FBXL16: variants seen among roughly 807,000 people sequenced by gnomAD.
The protein encoded by FBXL16 is F-box/LRR-repeat protein 16.
In FBXL16, 7 loss-of-function variants were observed where a neutral mutation model predicts 36.7. That is an observed-to-expected ratio of 0.19 (90% CI 0.11 to 0.36). The LOEUF (loss-of-function observed/expected upper bound fraction) is 0.36, where lower values mean the gene tolerates loss of function less well. FBXL16 is among the 10% of genes least tolerant of loss of function. FBXL16 has a pLI of 1.00. For synonymous variants in FBXL16, 355 were observed against 308.7 expected (o/e 1.15, Z -1.57); for missense variants, 463 against 659.4 (o/e 0.70, Z 3.26).
chr16:695,586 G>C lies in FBXL16; in HGVS notation c.971C>G (p.Ala324Gly). ...NVVHSLPNLT[A>G]LSLSGCSKVT... is the part of the protein sequence containing the mutation. ...CTTGGAGCAGCCCGAGAGGCTGAGCGCGGTGAGGTTGGGCAGGCTGTGCAC... is the reference window on the plus strand; with the variant it reads ...CTTGGAGCAGCCCGAGAGGCTGAGCCCGGTGAGGTTGGGCAGGCTGTGCAC... The change falls in exon 3 of 6, where the codon GCG becomes GGG. Residue 324 changes from alanine to glycine, a missense_variant. Around this residue, in one of 3 missense-constraint regions of FBXL16, gnomAD observed 66 missense variants for 146.3 expected, o/e 0.45. Transcript: ENST00000397621. 6.2e-7 allele frequency: 1 copy of C among 1,606,052 alleles called. No individual in the cohort carries two copies. Among genetic ancestry groups the C allele is most frequent in the Non-Finnish European group, 8.5e-7 (1 of 1,179,070 alleles).
chr16:703,264 C>G (rs544611013), intron 1 of FBXL16, among the ~76,000 whole-genome samples: 5 of 152,202 alleles, frequency 3.3e-5, no homozygotes, highest in Non-Finnish European at 7.4e-5. Flanking sequence ...CTGCACACCG[C>G]GTGCCCACCC....
chr16:695,879 C>T lies in FBXL16; in HGVS notation c.678G>A (p.Ser226=), dbSNP rs1467353885. ...CGGCCTCGGTGAAGTCGTTGCAGCC[C>T]GACAGCTCCAGACGCACCACGCCCT... ...QMQGVVRLEL[S]GCNDFTEAGL... Residue 226 remains serine (S), a synonymous_variant, in exon 3 of 6, where the codon TCG becomes TCA. Transcript: ENST00000397621. 3 of 1,601,868 alleles carry T rather than the reference C, an allele frequency of 1.9e-6. No individual in the cohort carries two copies. The highest frequency in any genetic ancestry group is 2.2e-5 in the East Asian group (1 of 44,548).
chr16:695,657 G>A lies in FBXL16; in HGVS notation c.900C>T (p.Arg300=), dbSNP rs776892160. The part of the protein sequence containing the change: ...ARQGHSTHTL[R]LLSCWEITNH... ...TGGTGATCTCCCAGCAGGAGAGCAGGCGCAGCGTGTGCGTGCTGTGGCCCT... is the reference window on the plus strand; with the variant it reads ...TGGTGATCTCCCAGCAGGAGAGCAGACGCAGCGTGTGCGTGCTGTGGCCCT... Residue 300 remains arginine, a synonymous_variant, in exon 3 of 6, where the codon CGC becomes CGT. Coordinates refer to ENST00000397621, the MANE Select transcript of FBXL16 (RefSeq NM_153350.4). 2 of 1,606,542 alleles carry A rather than the reference G, an allele frequency of 1.2e-6. No homozygotes were observed. Among genetic ancestry groups the A allele is most frequent in the Non-Finnish European group, 1.7e-6 (2 of 1,179,290 alleles).
intron 1 of FBXL16, among the ~76,000 whole-genome samples, chr16:698,044 C>T (rs1398409955): frequency 6.6e-6 from 1 of 152,060 alleles, no homozygotes. Context: ...GCCTGGAGCG[C>T]AGACTGGAGT....
rs1221687737 is a variant in FBXL16 at position 696,902 on chromosome 16, G to A, written c.504C>T (p.Phe168=). Residue 168 remains phenylalanine (F), a synonymous_variant, in exon 2 of 6, where the codon TTC becomes TTT. Transcript: ENST00000397621. ...VNLQGFAARG[F]EGFCLVGVSD... ...AGACGCCAACCAGGCAGAAGCCCTC[G>A]AAGCCTCTGGCGGCAAAACCCTGCA... is the stretch of plus-strand genomic sequence containing the variant. The A allele has an allele frequency of 2.5e-6, 4 of 1,610,250 alleles. No homozygotes were observed. Among genetic ancestry groups the A allele is most frequent in the East Asian group, 2.2e-5 (1 of 44,802 alleles).
intron 1 of FBXL16, among the ~76,000 whole-genome samples, chr16:701,609 C>CT (rs1173006339): frequency 6.6e-6 from 1 of 152,174 alleles, no homozygotes; most frequent in Non-Finnish European, 1.5e-5. Context: ...GGCCCGGCCC[C>CT]ACCCACCCAG....
intron 5 of FBXL16, 42 bp from the exon 6 acceptor site, chr16:694,465 G>A (rs1165107999): frequency 8.6e-6 from 13 of 1,519,886 alleles, no homozygotes; most frequent in African/African-American, 2.8e-5. Flanking sequence ...CGCGGCCCAG[G>A]GCTCGGGCGG....
intron 2 of FBXL16, chr16:696,135 C>T: frequency 3.1e-6 from 2 of 635,758 alleles, no homozygotes. Flanking sequence ...CCAGACCCGG[C>T]TGCCAGGCGG....
intron 1 of FBXL16, among the ~76,000 whole-genome samples, chr16:701,585 T>G (rs1596575973): frequency 6.6e-6 from 1 of 152,124 alleles, no homozygotes; most frequent in Admixed American, 6.5e-5. Flanking sequence ...CAAGGGCCCC[T>G]CTGCTTGGCC....
intron 1 of FBXL16, among the ~76,000 whole-genome samples, chr16:698,929 A>G (rs1444827494): frequency 0.013 from 1,117 of 87,796 alleles, 12 homozygotes; most frequent in African/African-American, 0.025. Flanking sequence ...AAAAAAAAAA[A>G]AAAGAAAGAA....
rs2040023730 is a variant in FBXL16, at chr16:697,538, C to T, written c.-14-119G>A. ...GGCGTCCCTATGGTGCTCCCAGAAC[C>T]ACCAGACAGAGAGGATGGGAGTGCC... On this transcript the variant is annotated intron_variant, in intron 1 of 5. Transcript: ENST00000397621. The surrounding 1 kb of genome is among the most constrained non-coding windows in gnomAD (Gnocchi z 4.6). The T allele has an allele frequency of 1.6e-6, 2 of 1,272,304 alleles. No homozygotes were observed. Among genetic ancestry groups the T allele is most frequent in the African/African-American group, 1.5e-5 (1 of 65,878 alleles). The allele number at this position is 1,272,304 out of a possible 1,614,324, so 78.8% of individuals were successfully genotyped here.
intron 1 of FBXL16, among the ~76,000 whole-genome samples, chr16:698,129 G>A (rs1238477718): frequency 2.6e-5 from 4 of 151,806 alleles, no homozygotes; most frequent in Non-Finnish European, 4.4e-5. Flanking sequence ...TCAGCCTCCC[G>A]TGTAGCTGGG....
chr16:703,551 C>CT (rs1252381277), intron 1 of FBXL16, among the ~76,000 whole-genome samples: 2 of 152,212 alleles, frequency 1.3e-5, no homozygotes, highest in African/African-American at 4.8e-5. Flanking sequence ...GCTGGGGTGG[C>CT]TGGGGATTGG....
At chr16:695,353 C>CGCCCCGCCCCGTGCA (rs1180472125) in intron 3 of FBXL16, 62 bp downstream of exon 3, 2 of 1,119,032 alleles carry the variant, frequency 1.8e-6, no homozygotes, top group Non-Finnish European at 2.2e-6. Flanking sequence ...AGCCCCGCCC[C>CGCCCCGCCCCGTGCA]GCCCCGCCCC....
At chr16:695,214 A>C (rs1596572244) in intron 3 of FBXL16, 138 bp from the exon 4 acceptor site, 1 of 1,147,042 alleles carries the variant, frequency 8.7e-7, no homozygotes, top group Non-Finnish European at 1.2e-6. Flanking sequence ...GCTCCCACCC[A>C]CCGGGAAGGA....
intron 2 of FBXL16, 173 bp from the exon 3 acceptor site, chr16:696,096 G>C: frequency 1.0e-6 from 1 of 957,282 alleles, no homozygotes; most frequent in Non-Finnish European, 1.5e-6. Flanking sequence ...AGGTGCTGGG[G>C]GCGTTGGCAC....
intron 2 of FBXL16, 74 bp downstream of exon 2, chr16:696,699 C>G: frequency 7.3e-7 from 1 of 1,370,374 alleles, no homozygotes; most frequent in Non-Finnish European, 9.4e-7. Context: ...AGCCACCATC[C>G]GCTCCCACCT....
At chr16:695,143 G>A (rs1315537153) in intron 3 of FBXL16, 67 bp from the exon 4 acceptor site, 1 of 1,502,980 alleles carries the variant, frequency 6.7e-7, no homozygotes, top group Non-Finnish European at 9.1e-7. Flanking sequence ...TCGTCTTCCT[G>A]GGAGTGCCCC....
chr16:694,071 C>CGCCCCCCT lies in FBXL16; in HGVS notation c.*196_*203dup, dbSNP rs904222004. The CGCCCCCCT allele has an allele frequency of 3.8e-6, 1 of 260,092 alleles. No individual in the cohort carries two copies. Among genetic ancestry groups the CGCCCCCCT allele is most frequent in the Non-Finnish European group, 7.3e-6 (1 of 137,120 alleles). The allele number at this position is 260,092 out of a possible 1,614,324, so 16.1% of individuals were successfully genotyped here. The stretch of plus-strand genomic sequence containing the variant: ...GCGTGCGTGGGGCGGGCCCACCCGC[C>CGCCCCCCT]GCCCCCCTGCCCGGGGCGGGGCTGG... On this transcript the variant is annotated 3_prime_UTR_variant, in exon 6 of 6. Coordinates refer to ENST00000397621, the MANE Select transcript of FBXL16 (RefSeq NM_153350.4).
Sources: gnomAD v4.1 joint callset for allele counts (sites outside exome capture counted in the v4.1 genomes callset) on GRCh38, gnomAD v4.1.1 for gene constraint, gnomAD v4.1.1 regional missense constraint, Gnocchi (gnomAD v3.1) non-coding constraint, MANE v1.5 for transcripts, NCBI Gene and HGNC (gene_info 2026-07-23, HGNC 2026-07-21) for gene names.